The following PTPRN2 variants were observed in gnomAD, a reference collection of about 807,000 sequenced individuals.
The protein encoded by PTPRN2 is protein tyrosine phosphatase receptor type N2.
Under a neutral mutation model 118.8 loss-of-function variants are expected in PTPRN2, and 74 were observed. The observed-to-expected ratio is 0.62, with a 90% CI of 0.52 to 0.76. PTPRN2 has a LOEUF of 0.76. PTPRN2 is among the 30% of genes least tolerant of loss of function. The probability of loss-of-function intolerance (pLI) is 0.00; values close to 1 mark genes in which losing one functional copy is unlikely to be tolerated. For missense variants in PTPRN2, 1,481 were observed against 1,394.4 expected, an observed-to-expected ratio of 1.06 and a Z score of -0.99; for synonymous variants, 641 against 608.0, an observed-to-expected ratio of 1.05 and a Z score of -0.80.
At chr7:158,506,171 A>G (rs1028248534) in intron 1 of PTPRN2, among the ~76,000 whole-genome samples, 12 of 152,200 alleles carry the variant, frequency 7.9e-5, no homozygotes, top group Non-Finnish European at 1.5e-4. Flanking sequence ...CAGAGGCTCC[A>G]TGGGAGGCTT....
rs10266375 is a variant in PTPRN2, at chr7:157,545,084, G to T, written c.2976+3862C>A. 1.5e-3 allele frequency among the ~76,000 whole-genome samples: 227 copies of T among 148,012 alleles called. 1 individual carries two copies. Among genetic ancestry groups the T allele is most frequent in the African/African-American group, 5.0e-3 (198 of 39,958 alleles). ...TGCAGTGTGCATGGGTGTGTGTGTG[G>T]GTGTGCACCCCGTGGGTGGGTGTGT... On this transcript the variant is annotated intron_variant, in intron 22 of 22. Coordinates refer to ENST00000389418, the MANE Select transcript of PTPRN2 (RefSeq NM_002847.5).
chr7:157,841,423 C>A (rs76432000), intron 12 of PTPRN2, among the ~76,000 whole-genome samples: 2 of 152,194 alleles, frequency 1.3e-5, no homozygotes, highest in Non-Finnish European at 2.9e-5. Flanking sequence ...CCGTATTGTA[C>A]GTGGCTTTAA....
intron 3 of PTPRN2, among the ~76,000 whole-genome samples, chr7:158,237,852 C>G (rs1186205798): frequency 6.6e-6 from 1 of 152,190 alleles, no homozygotes; most frequent in Non-Finnish European, 1.5e-5. Context: ...CCGGCAGACA[C>G]AGCGCTTACA....
chr7:158,107,993 C>T (rs541114576), intron 10 of PTPRN2, among the ~76,000 whole-genome samples: 1 of 151,814 alleles, frequency 6.6e-6, no homozygotes, highest in South Asian at 2.1e-4. Context: ...GATCTCTGCA[C>T]CTCTGCTGCC....
At chr7:157,649,069 G>C (rs1245813999) in intron 14 of PTPRN2, among the ~76,000 whole-genome samples, 4 of 131,604 alleles carry the variant, frequency 3.0e-5, no homozygotes, top group Non-Finnish European at 4.9e-5. Flanking sequence ...ACTGAACTCG[G>C]TGGGTCAGAC....
At chr7:158,235,129 G>A (rs778315582) in intron 3 of PTPRN2, among the ~76,000 whole-genome samples, 11 of 143,316 alleles carry the variant, frequency 7.7e-5, no homozygotes, top group Non-Finnish European at 1.1e-4. Context: ...AGGAGCCCTC[G>A]GACACTGTGG....
At chr7:157,883,203 C>A (rs889761897) in intron 12 of PTPRN2, among the ~76,000 whole-genome samples, 5 of 150,672 alleles carry the variant, frequency 3.3e-5, no homozygotes, top group African/African-American at 1.2e-4. Context: ...CCAAAAATGA[C>A]TGTTGGAGAT....
chr7:158,446,564 C>A (rs913675668), intron 2 of PTPRN2, among the ~76,000 whole-genome samples: 10 of 152,160 alleles, frequency 6.6e-5, no homozygotes, highest in African/African-American at 2.2e-4. Context: ...CACAGCCGCC[C>A]CCGGCGGGCA....
At chr7:157,708,009 C>G (rs1308474983) in intron 12 of PTPRN2, among the ~76,000 whole-genome samples, 2 of 152,282 alleles carry the variant, frequency 1.3e-5, no homozygotes, top group African/African-American at 4.8e-5. Flanking sequence ...GCAAATGTCA[C>G]TGCAAAGTGG....
At chr7:157,823,955 T>C (rs551114264) in intron 12 of PTPRN2, among the ~76,000 whole-genome samples, 3 of 152,142 alleles carry the variant, frequency 2.0e-5, no homozygotes, top group South Asian at 4.2e-4. Flanking sequence ...ACAGAGAAAT[T>C]AGAAGTGTTT....
intron 3 of PTPRN2, among the ~76,000 whole-genome samples, chr7:158,251,335 T>C (rs1254462464): frequency 6.6e-6 from 1 of 152,202 alleles, no homozygotes; most frequent in African/African-American, 2.4e-5. Flanking sequence ...TGCACGGATA[T>C]GATACATGTG....
chr7:158,066,956 C>T (rs1021601048), intron 11 of PTPRN2, among the ~76,000 whole-genome samples: 1 of 152,170 alleles, frequency 6.6e-6, no homozygotes, highest in Non-Finnish European at 1.5e-5. Context: ...CCTTCAATAT[C>T]AGCAAATCCC....
chr7:157,943,149 G>A (rs1001072882), intron 11 of PTPRN2, among the ~76,000 whole-genome samples: 2 of 152,170 alleles, frequency 1.3e-5, no homozygotes, highest in African/African-American at 4.8e-5. Context: ...AGGAGTTCTC[G>A]AGACCCAAGA....
Position 157,977,062 on chromosome 7 carries a change from G to A in PTPRN2, c.1724-78325C>T, listed in dbSNP as rs1399582292. On this transcript the variant is annotated intron_variant, in intron 11 of 22. Transcript: ENST00000389418. This position sits in a 1 kb window ranked among gnomAD's most constrained non-coding sequence, Gnocchi z 4.6. ...CAGTAGTTTCCATGAAAAACTATGA[G>A]TAGGTATGGAAAATAAAACAGATGC... Among the ~76,000 whole-genome samples, 1 of 152,020 alleles carries A rather than the reference G, an allele frequency of 6.6e-6. No individual in the cohort carries two copies. The highest frequency in any genetic ancestry group is 6.6e-5 in the Admixed American group (1 of 15,262).
At chr7:158,357,218 A>G (rs1406522322) in intron 2 of PTPRN2, among the ~76,000 whole-genome samples, 5 of 152,266 alleles carry the variant, frequency 3.3e-5, no homozygotes, top group Admixed American at 2.0e-4. Flanking sequence ...ATTACATAAA[A>G]GAGAAAGGAG....
In PTPRN2 at chr7:158,107,462, G is replaced by A. The variant is rs150618975; in HGVS notation, c.1643+3367C>T. 5.5e-3 allele frequency among the ~76,000 whole-genome samples: 825 copies of A among 151,126 alleles called. 3 individuals are homozygous for A. The highest frequency in any genetic ancestry group is 9.2e-3 in the Non-Finnish European group (621 of 67,760). On this transcript the variant is annotated intron_variant, in intron 10 of 22. Transcript: ENST00000389418. ...AAACAGCTGCAGCCCCTGCCCACCC[G>A]CCACCTCCAGAACCCCAGATGCCCA...
chr7:157,663,025 C>A (rs978522312), intron 13 of PTPRN2, among the ~76,000 whole-genome samples: 8 of 152,118 alleles, frequency 5.3e-5, no homozygotes, highest in African/African-American at 1.9e-4. Flanking sequence ...ATGGGACCAA[C>A]TGAAGAGTGT....
chr7:158,344,808 AC>A (rs1354812143), intron 2 of PTPRN2, among the ~76,000 whole-genome samples: 1 of 152,032 alleles, frequency 6.6e-6, no homozygotes, highest in Admixed American at 6.5e-5. Flanking sequence ...GGCCCAGGGG[AC>A]CCTGGCACTC....
chr7:158,191,385 T>A (rs557697027), intron 5 of PTPRN2, among the ~76,000 whole-genome samples: 4 of 152,206 alleles, frequency 2.6e-5, no homozygotes, highest in African/African-American at 9.6e-5. Context: ...GTAACTAACG[T>A]TTGGCAGAAA....
Sources: gnomAD v4.1 joint callset for allele counts (sites outside exome capture counted in the v4.1 genomes callset) on GRCh38, gnomAD v4.1.1 for gene constraint, Gnocchi (gnomAD v3.1) non-coding constraint, MANE v1.5 for transcripts, NCBI Gene and HGNC (gene_info 2026-07-23, HGNC 2026-07-21) for gene names.